The following CCR3 variants were observed in gnomAD, a reference collection of about 807,000 sequenced individuals.
CCR3 encodes the protein C-C motif chemokine receptor 3.
For missense variants in CCR3, 419 were observed against 437.5 expected, an observed-to-expected ratio of 0.96 and a Z score of 0.38; for synonymous variants, 203 against 179.2, an observed-to-expected ratio of 1.13 and a Z score of -1.06.
intron 1 of CCR3, among the ~76,000 whole-genome samples, chr3:46,255,256 T>C (rs1299251038): frequency 6.6e-6 from 1 of 152,184 alleles, no homozygotes; most frequent in African/African-American, 2.4e-5. Flanking sequence ...GTTTTTTTCT[T>C]GATGATTTGT....
At chr3:46,247,732 A>T (rs1700223952) in intron 1 of CCR3, among the ~76,000 whole-genome samples, 1 of 152,110 alleles carries the variant, frequency 6.6e-6, no homozygotes, top group Non-Finnish European at 1.5e-5. Flanking sequence ...GCCTCTACCT[A>T]TCTAGTGAAA....
intron 1 of CCR3, among the ~76,000 whole-genome samples, chr3:46,243,943 A>G (rs1450274528): frequency 6.6e-6 from 1 of 152,212 alleles, no homozygotes; most frequent in Non-Finnish European, 1.5e-5. Flanking sequence ...CTAATTGGCC[A>G]AGTAATTTTT....
chr3:46,225,275 G>A lies in CCR3; in HGVS notation c.-68+14368G>A, dbSNP rs76954382. Among the ~76,000 whole-genome samples the A allele has an allele frequency of 8.7e-3, 1,329 of 152,318 alleles. 16 individuals carry two copies. The highest frequency in any genetic ancestry group is 0.03 in the African/African-American group (1,263 of 41,566). ...TGGGGTTCTAGTAATGTCTTGACTGGTGGTTACATGGGTATGTGCACATGC... is the reference window on the plus strand; with the variant it reads ...TGGGGTTCTAGTAATGTCTTGACTGATGGTTACATGGGTATGTGCACATGC... On this transcript the variant is annotated intron_variant, in intron 2 of 3. Transcript: ENST00000357422.
chr3:46,233,253 T>A (rs753833912), intron 2 of CCR3, among the ~76,000 whole-genome samples: 29 of 152,332 alleles, frequency 1.9e-4, no homozygotes, highest in Non-Finnish European at 3.7e-4. Flanking sequence ...GTCCTTCCAC[T>A]AACTTCACTA....
upstream of CCR3, among the ~76,000 whole-genome samples, chr3:46,241,166 G>GCTCTCT (rs58133632): frequency 2.5e-3 from 378 of 149,276 alleles, 1 homozygote; most frequent in Middle Eastern, 0.01. Flanking sequence ...ATGTGTGTGC[G>GCTCTCT]CTCTCTCTCT....
intron 1 of CCR3, among the ~76,000 whole-genome samples, chr3:46,243,002 T>TACACATATATATATATATATATATATAC (rs71095087): frequency 0.04 from 4,950 of 123,472 alleles, 288 homozygotes; most frequent in African/African-American, 0.094. Context: ...TATATATATA[T>TACACATATATATATATATATATATATAC]ACGCACACAC....
intron 1 of CCR3, among the ~76,000 whole-genome samples, chr3:46,254,383 A>G (rs1027774103): frequency 1.9e-4 from 29 of 152,204 alleles, no homozygotes; most frequent in African/African-American, 7.0e-4. Flanking sequence ...GGGAGTGAGG[A>G]GACATAGATC....
At chr3:46,250,849 G>A (rs981751310) in intron 1 of CCR3, among the ~76,000 whole-genome samples, 1 of 151,732 alleles carries the variant, frequency 6.6e-6, no homozygotes, top group African/African-American at 2.4e-5. Context: ...AGGGGGGTTG[G>A]GGCATGGAAA....
intron 2 of CCR3, among the ~76,000 whole-genome samples, chr3:46,227,069 A>G (rs1258841997): frequency 6.6e-6 from 1 of 151,650 alleles, no homozygotes; most frequent in African/African-American, 2.4e-5. Context: ...TAGTAGAGAC[A>G]GGGTTTTGCC....
intron 2 of CCR3, among the ~76,000 whole-genome samples, chr3:46,234,527 G>A (rs576123035): frequency 1.0e-3 from 156 of 152,230 alleles, no homozygotes; most frequent in South Asian, 8.9e-3. Context: ...TTATGTGGTT[G>A]TGCTTATCCT....
Position 46,266,613 on chromosome 3 carries a change from T to A in CCR3, c.*387T>A, listed in dbSNP as rs1700640495. Reference sequence around the variant, plus strand: ...AATAAAACATTTTCACACAATACAATAAGTTAACTATTTTATTTTCTAATG... The same window carrying A: ...AATAAAACATTTTCACACAATACAAAAAGTTAACTATTTTATTTTCTAATG... On this transcript the variant is annotated 3_prime_UTR_variant, in exon 2 of 2. Coordinates refer to ENST00000395940, the MANE Select transcript of CCR3 (RefSeq NM_178329.3). The A allele has an allele frequency of 1.1e-5, 2 of 182,970 alleles. No homozygotes were observed. The highest frequency in any genetic ancestry group is 1.3e-4 in the Admixed American group (2 of 15,994). 11.3% of individuals were successfully genotyped at this position (182,970 alleles called of 1,614,324 possible).
intron 2 of CCR3, among the ~76,000 whole-genome samples, chr3:46,228,483 G>A (rs1386324748): frequency 6.6e-6 from 1 of 152,078 alleles, no homozygotes; most frequent in Non-Finnish European, 1.5e-5. Flanking sequence ...TCTGCCCTGA[G>A]GTCTAAGTTG....
At chr3:46,260,286 C>T (rs1434096100) in intron 1 of CCR3, among the ~76,000 whole-genome samples, 1 of 152,184 alleles carries the variant, frequency 6.6e-6, no homozygotes, top group Admixed American at 6.5e-5. Flanking sequence ...CATGTCCTCA[C>T]ATTTCAAAAC....
At chr3:46,219,128 A>G (rs1699806767) in intron 2 of CCR3, among the ~76,000 whole-genome samples, 1 of 152,228 alleles carries the variant, frequency 6.6e-6, no homozygotes, top group Admixed American at 6.5e-5. Flanking sequence ...AATTCAGTAA[A>G]GTTTCAGGAT....
intron 2 of CCR3, among the ~76,000 whole-genome samples, chr3:46,215,487 G>A (rs530103892): frequency 6.6e-6 from 1 of 152,308 alleles, no homozygotes; most frequent in East Asian, 1.9e-4. Flanking sequence ...GCTGTTCAAA[G>A]TGATGGCAAA....
intron 2 of CCR3, among the ~76,000 whole-genome samples, chr3:46,224,864 C>T (rs548230843): frequency 2.6e-5 from 4 of 151,612 alleles, no homozygotes; most frequent in African/African-American, 9.7e-5. Flanking sequence ...TAAATTGGTA[C>T]AACCACTTGA....
intron 1 of CCR3, among the ~76,000 whole-genome samples, chr3:46,242,864 T>C (rs1700107816): frequency 6.6e-6 from 1 of 151,520 alleles, no homozygotes. Flanking sequence ...TTCTCAACTA[T>C]GTGCATATGA....
intron 2 of CCR3, among the ~76,000 whole-genome samples, chr3:46,213,214 A>G (rs961725781): frequency 1.3e-5 from 2 of 152,074 alleles, no homozygotes; most frequent in African/African-American, 4.8e-5. Context: ...TGTGAGTTAG[A>G]TGAATCGTCC....
At chr3:46,246,880 G>C (rs555100345) in intron 1 of CCR3, among the ~76,000 whole-genome samples, 6 of 152,184 alleles carry the variant, frequency 3.9e-5, no homozygotes, top group South Asian at 4.1e-4. Flanking sequence ...AACCTAGAGT[G>C]GGAGAGATTA....
Sources: gnomAD v4.1 joint callset for allele counts (sites outside exome capture counted in the v4.1 genomes callset) on GRCh38, gnomAD v4.1.1 for gene constraint, MANE v1.5 for transcripts, NCBI Gene and HGNC (gene_info 2026-07-23, HGNC 2026-07-21) for gene names.